The following PTPRD variants were observed in gnomAD, a reference collection of about 807,000 sequenced individuals.
PTPRD encodes receptor-type tyrosine-protein phosphatase delta.
A neutral mutation model predicts 214.5 loss-of-function variants in PTPRD; 34 were observed. The observed-to-expected ratio is 0.16, with a 90% confidence interval of 0.12 to 0.21. The LOEUF is 0.21. Among genes scored for constraint, PTPRD ranks in the 10% least tolerant of loss-of-function variants. PTPRD has a pLI of 1.00. For synonymous variants in PTPRD, 1,128 were observed against 845.7 expected, an observed-to-expected ratio of 1.33 and a Z score of -5.79; for missense variants, 2,545 against 2,398.7, an observed-to-expected ratio of 1.06 and a Z score of -1.27.
intron 11 of PTPRD, among the ~76,000 whole-genome samples, chr9:8,925,303 A>G (rs1588131341): frequency 6.6e-6 from 1 of 152,032 alleles, no homozygotes; most frequent in East Asian, 1.9e-4. Flanking sequence ...ATAGGCAGGG[A>G]TGGTGTAGGA....
At chr9:8,378,679 T>C (rs1459370349) in intron 37 of PTPRD, among the ~76,000 whole-genome samples, 4 of 152,094 alleles carry the variant, frequency 2.6e-5, no homozygotes, top group Non-Finnish European at 5.9e-5. Context: ...AATATCACTA[T>C]GATATGCACA....
chr9:10,582,397 G>C (rs1380800427), intron 2 of PTPRD, among the ~76,000 whole-genome samples: 1 of 152,104 alleles, frequency 6.6e-6, no homozygotes, highest in Non-Finnish European at 1.5e-5. Flanking sequence ...TCAAAGTTAT[G>C]CTAATATCAA....
At chr9:9,685,482 T>C (rs1176487034) in intron 7 of PTPRD, among the ~76,000 whole-genome samples, 1 of 151,390 alleles carries the variant, frequency 6.6e-6, no homozygotes, top group Non-Finnish European at 1.5e-5. Flanking sequence ...TTAAATGCTT[T>C]CAAGTGTCTA....
chr9:10,484,918 C>A (rs534615550), intron 2 of PTPRD, among the ~76,000 whole-genome samples: 25 of 151,948 alleles, frequency 1.6e-4, no homozygotes, highest in African/African-American at 5.8e-4. Context: ...TGGGATATTT[C>A]TCAAGAAATA....
intron 10 of PTPRD, among the ~76,000 whole-genome samples, chr9:9,143,417 C>T (rs926377085): frequency 1.6e-4 from 24 of 152,210 alleles, no homozygotes; most frequent in Admixed American, 3.9e-4. Context: ...ATGTTAACTA[C>T]GTTATATTGA....
chr9:8,659,930 A>C (rs73425458), intron 12 of PTPRD, among the ~76,000 whole-genome samples: 285 of 152,282 alleles, frequency 1.9e-3, no homozygotes, highest in African/African-American at 6.6e-3. Flanking sequence ...AAATGTAGAG[A>C]GAGAGAGAGA....
At chr9:8,557,455 T>TATATATATATACACACACATACACATAC in intron 14 of PTPRD, among the ~76,000 whole-genome samples, 2 of 135,640 alleles carry the variant, frequency 1.5e-5, no homozygotes, top group Admixed American at 7.1e-5. Flanking sequence ...TATATATATA[T>TATATATATATACACACACATACACATAC]ATTTGGGCCG....
chr9:8,755,139 T>C (rs1014955044), intron 11 of PTPRD, among the ~76,000 whole-genome samples: 1 of 151,840 alleles, frequency 6.6e-6, no homozygotes, highest in Non-Finnish European at 1.5e-5. Context: ...TTTGAAAAAC[T>C]GTTTTGCTAA....
At chr9:9,599,678 A>G (rs2093614495) in intron 7 of PTPRD, among the ~76,000 whole-genome samples, 1 of 151,956 alleles carries the variant, frequency 6.6e-6, no homozygotes, top group South Asian at 2.1e-4. Flanking sequence ...TCCATGTCTT[A>G]ATTCATATTT....
At chr9:8,988,922 T>C (rs2099355835) in intron 11 of PTPRD, among the ~76,000 whole-genome samples, 1 of 152,130 alleles carries the variant, frequency 6.6e-6, no homozygotes. Context: ...TGAATGTAAA[T>C]TGACGCATTC....
chr9:9,107,851 T>A (rs1482694072), intron 10 of PTPRD, among the ~76,000 whole-genome samples: 2 of 152,318 alleles, frequency 1.3e-5, no homozygotes, highest in African/African-American at 4.8e-5. Context: ...CAGACTACCA[T>A]GCCAACTTAC....
At position 9,555,531 on chromosome 9, in the gene PTPRD, A is replaced by G. The variant is rs912197482; in HGVS notation, c.-237+19201T>C. Reference sequence around the variant, plus strand: ...ATACACATGCACATAATTACATGACACTTCATATATTGTGCCACTAAAATT... The same window carrying G: ...ATACACATGCACATAATTACATGACGCTTCATATATTGTGCCACTAAAATT... On this transcript the variant is annotated intron_variant, in intron 8 of 45. Coordinates refer to ENST00000381196, the MANE Select transcript of PTPRD (RefSeq NM_002839.4). Among the ~76,000 whole-genome samples, 3 of 152,078 alleles carry G rather than the reference A, an allele frequency of 2.0e-5. No homozygotes were observed. The East Asian group carries it at 5.8e-4, about 29-fold the overall frequency.
At chr9:10,498,398 C>A (rs2042731678) in intron 2 of PTPRD, among the ~76,000 whole-genome samples, 1 of 151,866 alleles carries the variant, frequency 6.6e-6, no homozygotes. Context: ...AAAAAATTAA[C>A]TGTTAGCTTT....
At chr9:8,772,924 C>G (rs2095297989) in intron 11 of PTPRD, among the ~76,000 whole-genome samples, 1 of 152,036 alleles carries the variant, frequency 6.6e-6, no homozygotes, top group African/African-American at 2.4e-5. Context: ...TAACTTTAGG[C>G]CTTGTTTTTA....
intron 9 of PTPRD, among the ~76,000 whole-genome samples, chr9:9,264,332 G>T (rs1175323315): frequency 1.3e-5 from 2 of 151,534 alleles, no homozygotes; most frequent in Admixed American, 1.3e-4. Flanking sequence ...GAAAGAGATA[G>T]AAATCATAAC....
chr9:9,694,540 G>T (rs1244296543), intron 7 of PTPRD, among the ~76,000 whole-genome samples: 1 of 151,972 alleles, frequency 6.6e-6, no homozygotes, highest in Non-Finnish European at 1.5e-5. Flanking sequence ...CTTGTCAAAG[G>T]CTCTACCCTT....
chr9:10,090,925 C>G (rs1269797275), intron 3 of PTPRD, among the ~76,000 whole-genome samples: 12 of 136,446 alleles, frequency 8.8e-5, no homozygotes, highest in African/African-American at 3.2e-4. Context: ...AATATACACA[C>G]ACACACACAC....
intron 2 of PTPRD, among the ~76,000 whole-genome samples, chr9:10,513,549 G>A (rs543633663): frequency 2.6e-5 from 4 of 152,246 alleles, no homozygotes; most frequent in African/African-American, 7.2e-5. Flanking sequence ...CATTAGAGCT[G>A]GTTACCAAAT....
intron 9 of PTPRD, among the ~76,000 whole-genome samples, chr9:9,304,229 A>G (rs1226509741): frequency 6.6e-6 from 1 of 152,120 alleles, no homozygotes; most frequent in African/African-American, 2.4e-5. Context: ...ATAATAGAGG[A>G]TGATTGTTAT....
Sources: allele counts gnomAD v4.1 joint callset (sites outside exome capture counted in the v4.1 genomes callset), GRCh38; gene constraint gnomAD v4.1.1; transcripts MANE v1.5; gene names NCBI Gene and HGNC (gene_info 2026-07-23, HGNC 2026-07-21).